CUL4A: variants seen among roughly 807,000 people sequenced by gnomAD.
The protein encoded by CUL4A is cullin-4A.
CUL4A carries 16 observed loss-of-function variants against 95.5 expected under a neutral mutation model. The observed-to-expected ratio is 0.17, with a 90% CI of 0.11 to 0.25. The LOEUF is 0.25. CUL4A is among the 10% of genes least tolerant of loss of function. The pLI, the probability that CUL4A is intolerant of heterozygous loss-of-function variation, is 1.00. For missense variants in CUL4A, 610 were observed against 937.0 expected (o/e 0.65, Z 4.56); for synonymous variants, 380 against 353.1 (o/e 1.08, Z -0.85).
At position 113,263,615 on chromosome 13, in the gene CUL4A, C is replaced by A; in HGVS notation, c.*33C>A. ...GCAGACGGTTCCCCTTCATGAAACA[C>A]TAGAATGTACCCTCAGAGCAGGAAG... is the stretch of plus-strand genomic sequence containing the variant. On this transcript the variant is annotated 3_prime_UTR_variant, in exon 20 of 20. Coordinates refer to ENST00000375440, the MANE Select transcript of CUL4A (RefSeq NM_001008895.4). 7.5e-7 allele frequency: 1 copy of A among 1,327,182 alleles called. No homozygotes were observed. Among genetic ancestry groups the A allele is most frequent in the Non-Finnish European group, 1.1e-6 (1 of 939,216 alleles). 82.2% of individuals were successfully genotyped at this position (1,327,182 alleles called of 1,614,324 possible).
chr13:113,246,714 C>G (rs1195340827), intron 15 of CUL4A, among the ~76,000 whole-genome samples: 1 of 152,202 alleles, frequency 6.6e-6, no homozygotes, highest in Non-Finnish European at 1.5e-5. Context: ...TCTTATCCAT[C>G]ATGAGGGTCA....
At chr13:113,216,040 A>G (rs1186805446) in intron 2 of CUL4A, among the ~76,000 whole-genome samples, 3 of 139,068 alleles carry the variant, frequency 2.2e-5, no homozygotes, top group Non-Finnish European at 4.5e-5. Context: ...GTGACTATGG[A>G]GGTCTCGTCC....
At chr13:113,210,147 C>T in intron 2 of CUL4A, 59 bp downstream of exon 2, 1 of 1,206,802 alleles carries the variant, frequency 8.3e-7, no homozygotes, top group East Asian at 3.2e-5. Context: ...CAGACGCGGC[C>T]GGGCGGCCGC....
chr13:113,248,264 T>C (rs2041906638), intron 15 of CUL4A, among the ~76,000 whole-genome samples: 1 of 152,186 alleles, frequency 6.6e-6, no homozygotes, highest in Non-Finnish European at 1.5e-5. Flanking sequence ...TCCAGCTCTA[T>C]CATTTCTCTA....
intron 16 of CUL4A, among the ~76,000 whole-genome samples, chr13:113,254,276 T>C (rs71446683): frequency 0.028 from 4,235 of 152,174 alleles, 81 homozygotes; most frequent in Middle Eastern, 0.061. Flanking sequence ...CATCCTGGGA[T>C]ATATAAGGCC....
intron 15 of CUL4A, among the ~76,000 whole-genome samples, chr13:113,249,627 G>A (rs1267824024): frequency 2.0e-5 from 3 of 152,222 alleles, no homozygotes; most frequent in Non-Finnish European, 4.4e-5. Context: ...ACCTGGGAGT[G>A]GAACTGCTGG....
intron 10 of CUL4A, among the ~76,000 whole-genome samples, 180 bp from the exon 11 acceptor site, chr13:113,242,785 CAAA>C (rs1227882653): frequency 6.6e-6 from 1 of 150,784 alleles, no homozygotes; most frequent in African/African-American, 2.4e-5. Flanking sequence ...GGGCCTGCCT[CAAA>C]AAAAAGTGTA....
In CUL4A at chr13:113,245,324, G is replaced by A. The variant is rs900846231; in HGVS notation, c.1530+87G>A. On this transcript the variant is annotated intron_variant, in intron 14 of 19. Transcript: ENST00000375440. ...TGCCTGTAATCCCAGCACTTTGGGA[G>A]GCAGAGGCAAGAGACGTTCTTGAGG... 269 of 1,193,722 alleles carry A rather than the reference G, an allele frequency of 2.3e-4. No individual in the cohort carries two copies. In the East Asian group the frequency reaches 3.0e-3, roughly 14 times the overall value. 73.9% of individuals were successfully genotyped at this position (1,193,722 alleles called of 1,614,324 possible).
chr13:113,259,855 A>G (rs2042222267), intron 18 of CUL4A, among the ~76,000 whole-genome samples: 1 of 152,178 alleles, frequency 6.6e-6, no homozygotes, highest in Non-Finnish European at 1.5e-5. Context: ...TACTACAACA[A>G]GTAAACATGC....
chr13:113,219,336 A>G (rs2040812438), intron 3 of CUL4A: 1 of 270,856 alleles, frequency 3.7e-6, no homozygotes, highest in Non-Finnish European at 7.0e-6. Flanking sequence ...CACCATCTGC[A>G]TTGGCTTTCT....
intron 3 of CUL4A, among the ~76,000 whole-genome samples, chr13:113,220,917 T>G (rs754074708): frequency 6.6e-6 from 1 of 152,170 alleles, no homozygotes; most frequent in Non-Finnish European, 1.5e-5. Flanking sequence ...TTACAAAAAT[T>G]ATCATTTGGT....
chr13:113,212,707 C>A (rs1046677700), intron 2 of CUL4A, among the ~76,000 whole-genome samples: 1 of 152,184 alleles, frequency 6.6e-6, no homozygotes, highest in African/African-American at 2.4e-5. Context: ...ATCGCTTGAA[C>A]CCGGGAGGCG....
chr13:113,229,972 T>C, intron 5 of CUL4A: 1 of 339,700 alleles, frequency 2.9e-6, no homozygotes, highest in Non-Finnish European at 5.3e-6. Flanking sequence ...TTTCGGGGAC[T>C]GTATACACCA....
intron 10 of CUL4A, among the ~76,000 whole-genome samples, chr13:113,240,980 A>C (rs963125532): frequency 4.6e-5 from 7 of 152,174 alleles, no homozygotes; most frequent in African/African-American, 9.7e-5. Flanking sequence ...TCATTATCTG[A>C]ATAAAGATTT....
chr13:113,257,501 A>G (rs1432004979), intron 18 of CUL4A, among the ~76,000 whole-genome samples: 1 of 152,188 alleles, frequency 6.6e-6, no homozygotes, highest in Non-Finnish European at 1.5e-5. Context: ...GGAAGTTTCC[A>G]GTCATGGTGG....
At chr13:113,240,066 G>A (rs1475262970) in intron 10 of CUL4A, among the ~76,000 whole-genome samples, 7 of 152,208 alleles carry the variant, frequency 4.6e-5, no homozygotes, top group South Asian at 2.1e-4. Flanking sequence ...AGTCCAACCC[G>A]TCGTAGAGTG....
intron 3 of CUL4A, among the ~76,000 whole-genome samples, chr13:113,220,892 G>C (rs1444699631): frequency 6.6e-6 from 1 of 152,202 alleles, no homozygotes; most frequent in African/African-American, 2.4e-5. Context: ...CCCTGGTGCA[G>C]TGGCAAAACT....
At chr13:113,229,951 C>T (rs981804185) in intron 5 of CUL4A, 74 of 380,870 alleles carry the variant, frequency 1.9e-4, no homozygotes, top group East Asian at 1.6e-3. Context: ...TAGCACTCAT[C>T]GTCCGTCATC....
upstream of CUL4A, chr13:113,208,748 C>A (rs2040169699): frequency 6.8e-7 from 1 of 1,477,328 alleles, no homozygotes; most frequent in African/African-American, 1.4e-5. Flanking sequence ...GCCGCGGGTG[C>A]GCAGGTTGGT....
Sources: allele counts gnomAD v4.1 joint callset (sites outside exome capture counted in the v4.1 genomes callset), GRCh38; gene constraint gnomAD v4.1.1; transcripts MANE v1.5; gene names NCBI Gene and HGNC (gene_info 2026-07-23, HGNC 2026-07-21).